TAFA5: variants seen among roughly 807,000 people sequenced by gnomAD.
TAFA5 encodes chemokine-like protein TAFA-5.
TAFA5 carries 6 observed loss-of-function variants against 15.3 expected under a neutral mutation model. That is an observed-to-expected ratio of 0.39 (90% confidence interval 0.21 to 0.77). TAFA5 has a LOEUF of 0.77. Among genes scored for constraint, TAFA5 ranks in the 30% least tolerant of loss-of-function variants. TAFA5 has a pLI of 0.41. For missense variants in TAFA5, 161 were observed against 193.1 expected, an observed-to-expected ratio of 0.83 and a Z score of 0.98; for synonymous variants, 103 against 80.7, an observed-to-expected ratio of 1.28 and a Z score of -1.48.
intron 2 of TAFA5, among the ~76,000 whole-genome samples, chr22:48,706,933 G>A (rs1327285342): frequency 1.3e-5 from 2 of 152,226 alleles, no homozygotes; most frequent in Non-Finnish European, 2.9e-5. Context: ...CCACAAAATA[G>A]GGTGGGCCTC....
Position 48,695,166 on chromosome 22 carries a change from TTG to T in TAFA5, c.263-12536_263-12535del, listed in dbSNP as rs372924189. Reference sequence around the variant, plus strand: ...TTGTGCATTTGTGTATGTGTGCACATTGTGTGTGTGTGTGTGATTTGTATGTA... The same window carrying T: ...TTGTGCATTTGTGTATGTGTGCACATTGTGTGTGTGTGTGATTTGTATGTA... On this transcript the variant is annotated intron_variant, in intron 2 of 3. Coordinates refer to ENST00000402357, the MANE Select transcript of TAFA5 (RefSeq NM_001082967.3). 8.6e-5 allele frequency among the ~76,000 whole-genome samples: 13 copies of T among 150,944 alleles called. No individual in the cohort carries two copies. In the East Asian group the frequency reaches 9.8e-4, roughly 11 times the overall value.
rs573675092 is a variant in TAFA5 at position 48,523,280 on chromosome 22, C to T, written c.112+33576C>T. On this transcript the variant is annotated intron_variant, in intron 1 of 3. Coordinates refer to ENST00000402357, the MANE Select transcript of TAFA5 (RefSeq NM_001082967.3). The stretch of plus-strand genomic sequence containing the variant: ...TTGCCGTGGGACAGGGCTGGTGGGC[C>T]GGCGGGCAGCCTCCACCAGGGCCAG... Among the ~76,000 whole-genome samples, 1,112 of 152,298 alleles carry T rather than the reference C, an allele frequency of 7.3e-3. 12 individuals are homozygous for T. Among genetic ancestry groups the T allele is most frequent in the African/African-American group, 0.025 (1,059 of 41,564 alleles).
chr22:48,577,963 G>A (rs1439415915), intron 1 of TAFA5, among the ~76,000 whole-genome samples: 2 of 152,230 alleles, frequency 1.3e-5, no homozygotes, highest in Admixed American at 1.3e-4. Context: ...TTCCTGCTGA[G>A]GAGTCATTGG....
intron 1 of TAFA5, among the ~76,000 whole-genome samples, chr22:48,551,460 G>C (rs1355238091): frequency 6.6e-6 from 1 of 152,232 alleles, no homozygotes; most frequent in Non-Finnish European, 1.5e-5. Context: ...AACTGGAGGA[G>C]CTGCATGAGC....
chr22:48,622,988 G>A (rs969742141), intron 1 of TAFA5, among the ~76,000 whole-genome samples: 7 of 152,250 alleles, frequency 4.6e-5, no homozygotes, highest in Admixed American at 1.3e-4. Context: ...CATTCACAGC[G>A]TGGTTTTCCT....
chr22:48,649,744 G>A (rs542543062), intron 2 of TAFA5, among the ~76,000 whole-genome samples: 4 of 152,270 alleles, frequency 2.6e-5, no homozygotes, highest in South Asian at 2.1e-4. Flanking sequence ...GCGCCTTCTC[G>A]GGGACACTGA....
At chr22:48,695,928 A>G (rs1321272654) in intron 2 of TAFA5, among the ~76,000 whole-genome samples, 3 of 152,146 alleles carry the variant, frequency 2.0e-5, no homozygotes, top group African/African-American at 7.2e-5. Context: ...CCACACAGCC[A>G]TCCTGCTGAC....
rs892135738 is a variant in TAFA5 at position 48,552,758 on chromosome 22, C to T, written c.112+63054C>T. ...CCTTAAATAAACATTTATCATCCTC[C>T]GAGGGGCCCGGCCAGGCTCCCAGGG... On this transcript the variant is annotated intron_variant, in intron 1 of 3. Transcript: ENST00000402357. The surrounding 1 kb of genome is among the most constrained non-coding windows in gnomAD (Gnocchi z 4.1). Among the ~76,000 whole-genome samples the T allele has an allele frequency of 2.6e-5, 4 of 152,160 alleles. No individual in the cohort carries two copies. The highest frequency in any genetic ancestry group is 4.4e-5 in the Non-Finnish European group (3 of 68,024).
At chr22:48,571,366 C>T (rs1923577206) in intron 1 of TAFA5, among the ~76,000 whole-genome samples, 1 of 149,640 alleles carries the variant, frequency 6.7e-6, no homozygotes, top group Non-Finnish European at 1.5e-5. Context: ...CCTCTGCCTC[C>T]TGGGTTCAAG....
intron 1 of TAFA5, among the ~76,000 whole-genome samples, chr22:48,513,557 C>T (rs1016290986): frequency 5.9e-5 from 9 of 152,222 alleles, no homozygotes; most frequent in African/African-American, 2.2e-4. Context: ...CTCCAGGACC[C>T]GGAGGCTTCC....
At chr22:48,568,570 G>A (rs1923480863) in intron 1 of TAFA5, among the ~76,000 whole-genome samples, 4 of 152,244 alleles carry the variant, frequency 2.6e-5, no homozygotes, top group Admixed American at 2.6e-4. Context: ...ACACATGCAG[G>A]AGGAAAAGGA....
chr22:48,719,913 CAA>C (rs130168), intron 3 of TAFA5, among the ~76,000 whole-genome samples: 1 of 151,444 alleles, frequency 6.6e-6, no homozygotes, highest in Non-Finnish European at 1.5e-5. Flanking sequence ...AGCCCAGAAA[CAA>C]AAAAAAATTG....
intron 1 of TAFA5, among the ~76,000 whole-genome samples, chr22:48,626,597 G>A (rs190201134): frequency 1.8e-4 from 27 of 152,208 alleles, no homozygotes; most frequent in African/African-American, 5.5e-4. Flanking sequence ...ATTCTTCATC[G>A]CATTTGTGTT....
intron 1 of TAFA5, among the ~76,000 whole-genome samples, chr22:48,561,506 A>G (rs573820512): frequency 8.6e-5 from 13 of 151,358 alleles, no homozygotes. Context: ...CTGGAGCCTG[A>G]CCTCTCTGTG....
intron 1 of TAFA5, among the ~76,000 whole-genome samples, chr22:48,569,084 G>A (rs1481625065): frequency 6.6e-6 from 1 of 151,966 alleles, no homozygotes; most frequent in African/African-American, 2.4e-5. Context: ...AACCCTCACT[G>A]GCCGTGGCCT....
At chr22:48,688,565 C>A (rs905150916) in intron 2 of TAFA5, among the ~76,000 whole-genome samples, 3 of 152,208 alleles carry the variant, frequency 2.0e-5, no homozygotes, top group Non-Finnish European at 4.4e-5. Flanking sequence ...TCTTAACTCC[C>A]CCTGGCTGCT....
At chr22:48,509,043 A>G (rs901527406) in intron 1 of TAFA5, among the ~76,000 whole-genome samples, 3 of 152,198 alleles carry the variant, frequency 2.0e-5, no homozygotes, top group Non-Finnish European at 4.4e-5. Context: ...GCTCTTACGT[A>G]TGAATGAGAA....
chr22:48,674,801 C>T (rs1245989465), intron 2 of TAFA5, among the ~76,000 whole-genome samples: 1 of 152,168 alleles, frequency 6.6e-6, no homozygotes, highest in Non-Finnish European at 1.5e-5. Flanking sequence ...AAGAACAAGC[C>T]TGGCCCGATG....
chr22:48,693,500 T>C, intron 2 of TAFA5: 1 of 1,539,030 alleles, frequency 6.5e-7, no homozygotes, highest in Non-Finnish European at 8.8e-7. Context: ...TAGCCTGAGG[T>C]CCCAGAGGAG....
Sources: gnomAD v4.1 joint callset for allele counts (sites outside exome capture counted in the v4.1 genomes callset) on GRCh38, gnomAD v4.1.1 for gene constraint, Gnocchi (gnomAD v3.1) non-coding constraint, MANE v1.5 for transcripts, NCBI Gene and HGNC (gene_info 2026-07-23, HGNC 2026-07-21) for gene names.